The following GRIN2B variants were observed in gnomAD, a reference collection of about 807,000 sequenced individuals.
GRIN2B encodes glutamate receptor ionotropic, NMDA 2B.
Under a neutral mutation model 114.5 loss-of-function variants are expected in GRIN2B, and 5 were observed. The observed-to-expected ratio is 0.04, with a 90% CI of 0.02 to 0.09. The LOEUF (loss-of-function observed/expected upper bound fraction) is 0.09, where lower values mean the gene tolerates loss of function less well. GRIN2B is among the 10% of genes least tolerant of loss of function. GRIN2B has a pLI of 1.00. For synonymous variants in GRIN2B, 787 were observed against 745.1 expected (o/e 1.06, Z -0.92); for missense variants, 1,108 against 1,943.5 (o/e 0.57, Z 8.08).
rs138033355 is a variant in GRIN2B, at chr12:13,930,348, A to G, written c.-19+49580T>C. On this transcript the variant is annotated intron_variant, in intron 2 of 13. Coordinates refer to ENST00000609686, the MANE Select transcript of GRIN2B (RefSeq NM_000834.5). ...ATGGGGGCATTTGGCCAAGTTTCCT[A>G]TGAGATCTTTGAGACTATAAGAGAG... Among the ~76,000 whole-genome samples, 16 of 152,330 alleles carry G rather than the reference A, an allele frequency of 1.1e-4. No individual in the cohort carries two copies. In the East Asian group the frequency reaches 3.1e-3, roughly 29 times the overall value.
At chr12:13,765,114 G>A (rs1223855124) in intron 3 of GRIN2B, among the ~76,000 whole-genome samples, 1 of 152,206 alleles carries the variant, frequency 6.6e-6, no homozygotes, top group Non-Finnish European at 1.5e-5. Flanking sequence ...TTATGGCTCA[G>A]CAATGACATT....
At chr12:13,832,729 A>G (rs545168230) in intron 3 of GRIN2B, among the ~76,000 whole-genome samples, 18 of 152,334 alleles carry the variant, frequency 1.2e-4, no homozygotes, top group East Asian at 9.6e-4. Flanking sequence ...AAATGTTTCA[A>G]ATTACTCACC....
At chr12:13,710,312 C>T (rs1950402020) in intron 4 of GRIN2B, among the ~76,000 whole-genome samples, 1 of 152,096 alleles carries the variant, frequency 6.6e-6, no homozygotes, top group African/African-American at 2.4e-5. Context: ...CCTTTGAAAA[C>T]TGGTACAAGA....
chr12:13,639,913 C>T (rs766894729), intron 5 of GRIN2B, among the ~76,000 whole-genome samples: 2 of 152,214 alleles, frequency 1.3e-5, no homozygotes, highest in Non-Finnish European at 2.9e-5. Context: ...TCTTACTCTT[C>T]ACCTTCTCTT....
chr12:13,878,020 C>T (rs903980468), intron 2 of GRIN2B, among the ~76,000 whole-genome samples: 15 of 147,590 alleles, frequency 1.0e-4, no homozygotes, highest in African/African-American at 3.8e-4. Flanking sequence ...GCCGAGATCG[C>T]ACCACTGCAC....
At chr12:13,576,971 C>G (rs1050675079) in intron 10 of GRIN2B, among the ~76,000 whole-genome samples, 1 of 152,176 alleles carries the variant, frequency 6.6e-6, no homozygotes, top group Non-Finnish European at 1.5e-5. Flanking sequence ...ATAACACAGA[C>G]AGGACAGGCC....
At chr12:13,629,534 C>T (rs1949600062) in intron 5 of GRIN2B, among the ~76,000 whole-genome samples, 1 of 152,090 alleles carries the variant, frequency 6.6e-6, no homozygotes, top group Non-Finnish European at 1.5e-5. Flanking sequence ...GCTGTCAGGG[C>T]CTCCTCATTC....
chr12:13,866,461 TA>T (rs1220455522), intron 2 of GRIN2B, among the ~76,000 whole-genome samples: 1 of 152,186 alleles, frequency 6.6e-6, no homozygotes, highest in Non-Finnish European at 1.5e-5. Flanking sequence ...GCTATTGCTA[TA>T]GTCATTGGCA....
intron 4 of GRIN2B, among the ~76,000 whole-genome samples, chr12:13,740,110 T>C (rs1267485590): frequency 6.6e-6 from 1 of 152,208 alleles, no homozygotes; most frequent in African/African-American, 2.4e-5. Context: ...TCTCTTAGTC[T>C]CTATCAGAAA....
intron 3 of GRIN2B, among the ~76,000 whole-genome samples, chr12:13,765,423 G>A (rs1012572221): frequency 2.0e-5 from 3 of 152,176 alleles, no homozygotes; most frequent in Non-Finnish European, 4.4e-5. Flanking sequence ...TCTGCCTTAC[G>A]TCCATCGTGC....
intron 5 of GRIN2B, among the ~76,000 whole-genome samples, chr12:13,652,082 G>C (rs1219064850): frequency 2.0e-5 from 3 of 151,868 alleles, no homozygotes; most frequent in Non-Finnish European, 2.9e-5. Context: ...ATGGTTCTCT[G>C]AATCTACCAT....
intron 4 of GRIN2B, among the ~76,000 whole-genome samples, chr12:13,679,166 A>G (rs1457854363): frequency 6.6e-6 from 1 of 152,196 alleles, no homozygotes; most frequent in African/African-American, 2.4e-5. Flanking sequence ...ACTGTGCTGA[A>G]TAATTCTGCC....
At chr12:13,610,844 G>T (rs1949357834) in intron 9 of GRIN2B, among the ~76,000 whole-genome samples, 1 of 152,176 alleles carries the variant, frequency 6.6e-6, no homozygotes, top group East Asian at 1.9e-4. Context: ...AGAAAATGAG[G>T]TCCAAGCACC....
chr12:13,709,770 G>A (rs1408586451), intron 4 of GRIN2B, among the ~76,000 whole-genome samples: 4 of 151,964 alleles, frequency 2.6e-5, no homozygotes, highest in African/African-American at 9.7e-5. Flanking sequence ...TCTTCCAGCT[G>A]TCTGATTTCC....
chr12:13,616,430 CAA>C (rs1023970635), intron 6 of GRIN2B, 23 bp downstream of exon 6: 1 of 1,583,938 alleles, frequency 6.3e-7, no homozygotes, highest in African/African-American at 1.3e-5. Flanking sequence ...CCATGCCACC[CAA>C]AGTCATTGAG....
At chr12:13,943,200 A>C (rs142396841) in intron 2 of GRIN2B, among the ~76,000 whole-genome samples, 236 of 152,284 alleles carry the variant, frequency 1.5e-3, no homozygotes, top group African/African-American at 5.6e-3. Flanking sequence ...CAACAGCCCC[A>C]TAGGTGGATC....
At chr12:13,697,686 C>A (rs150845113) in intron 4 of GRIN2B, among the ~76,000 whole-genome samples, 223 of 135,902 alleles carry the variant, frequency 1.6e-3, no homozygotes, top group African/African-American at 6.0e-3. Flanking sequence ...AGATCAGAAG[C>A]AATATAACCT....
intron 3 of GRIN2B, among the ~76,000 whole-genome samples, chr12:13,765,296 T>C (rs528345254): frequency 1.2e-4 from 19 of 152,316 alleles, no homozygotes; most frequent in African/African-American, 4.3e-4. Flanking sequence ...ACCGGTTTTG[T>C]AGAACATGAG....
intron 2 of GRIN2B, among the ~76,000 whole-genome samples, chr12:13,887,703 A>T (rs1216760574): frequency 1.3e-5 from 2 of 152,254 alleles, no homozygotes; most frequent in African/African-American, 4.8e-5. Flanking sequence ...AAAGTGAGTA[A>T]TGAAGACTGA....
Sources: gnomAD v4.1 joint callset for allele counts (sites outside exome capture counted in the v4.1 genomes callset) on GRCh38, gnomAD v4.1.1 for gene constraint, MANE v1.5 for transcripts, NCBI Gene and HGNC (gene_info 2026-07-23, HGNC 2026-07-21) for gene names.